PRDM13: variants seen among roughly 807,000 people sequenced by gnomAD.
PRDM13 encodes PR domain zinc finger protein 13.
PRDM13 carries 15 observed loss-of-function variants against 36.4 expected under a neutral mutation model. The observed-to-expected ratio is 0.41, with a 90% CI of 0.28 to 0.64. The LOEUF (loss-of-function observed/expected upper bound fraction) is 0.64, where lower values mean the gene tolerates loss of function less well. Among genes scored for constraint, PRDM13 ranks in the 30% least tolerant of loss-of-function variants. The pLI is 0.29. For missense variants in PRDM13, 1,044 were observed against 1,013.5 expected, an observed-to-expected ratio of 1.03 and a Z score of -0.41; for synonymous variants, 531 against 467.7, an observed-to-expected ratio of 1.14 and a Z score of -1.75.
In PRDM13 at chr6:99,613,401, G is replaced by A; in HGVS notation, c.766G>A (p.Asp256Asn). 1 of 1,557,132 alleles carries A rather than the reference G, an allele frequency of 6.4e-7. No homozygotes were observed. Among genetic ancestry groups the A allele is most frequent in the Non-Finnish European group, 8.6e-7 (1 of 1,158,858 alleles). The change falls in exon 4 of 4, where the codon GAC (aspartate) becomes AAC (asparagine). Residue 256 changes from aspartate (D) to asparagine (N), a missense_variant. Coordinates refer to ENST00000369215, the MANE Select transcript of PRDM13 (RefSeq NM_021620.4). The surrounding 1 kb of genome is among the most constrained non-coding windows in gnomAD (Gnocchi z 6.1). ...GQPKKGKEQL[D>N]RALDMSGAAR... Reference sequence around the variant, plus strand: ...GCCCAAGAAGGGCAAGGAGCAGCTGGACCGTGCCCTGGACATGAGCGGAGC... The same window carrying A: ...GCCCAAGAAGGGCAAGGAGCAGCTGAACCGTGCCCTGGACATGAGCGGAGC...
intron 3 of PRDM13, among the ~76,000 whole-genome samples, chr6:99,610,210 C>A (rs749623507): frequency 2.0e-5 from 3 of 152,126 alleles, no homozygotes; most frequent in African/African-American, 7.2e-5. Context: ...AAGCCAAGAG[C>A]GGATTTATGC....
chr6:99,614,024 A>G lies in PRDM13; in HGVS notation c.1389A>G (p.Thr463=), dbSNP rs1770086268. Reference sequence around the variant, plus strand: ...TGCCCGCCGTCATGCCGGCCTTTACAGTCTACAACGGGGAGCTGCTCTACG... The same window carrying G: ...TGCCCGCCGTCATGCCGGCCTTTACGGTCTACAACGGGGAGCTGCTCTACG... The part of the protein sequence containing the change: ...SHLPAVMPAF[T]VYNGELLYGS... Residue 463 remains threonine (T), a synonymous_variant, in exon 4 of 4, where the codon ACA becomes ACG. Coordinates refer to ENST00000369215, the MANE Select transcript of PRDM13 (RefSeq NM_021620.4). The G allele has an allele frequency of 6.2e-7, 1 of 1,610,374 alleles. No individual in the cohort carries two copies. The highest frequency in any genetic ancestry group is 8.5e-7 in the Non-Finnish European group (1 of 1,179,084).
intron 2 of PRDM13, 116 bp from the exon 3 acceptor site, chr6:99,609,071 G>A: frequency 7.0e-7 from 1 of 1,428,614 alleles, no homozygotes; most frequent in South Asian, 1.4e-5. Flanking sequence ...GAGAGCTCCA[G>A]TAGCTTCTCC....
chr6:99,609,381 T>C, intron 3 of PRDM13, 74 bp downstream of exon 3: 4 of 1,534,376 alleles, frequency 2.6e-6, no homozygotes, highest in Non-Finnish European at 3.6e-6. Context: ...TCCCTAGACA[T>C]AGCTCGATCT....
intron 3 of PRDM13, among the ~76,000 whole-genome samples, chr6:99,612,562 C>T (rs1770046764): frequency 6.6e-6 from 1 of 152,154 alleles, no homozygotes. Flanking sequence ...GATATTGTCT[C>T]GCCTGGTAAT....
At position 99,614,717 on chromosome 6, in the gene PRDM13, G is replaced by A; in HGVS notation, c.2082G>A (p.Gln694=). The stretch of plus-strand genomic sequence containing the variant: ...TGGACGTCTGCTTCACAGACGACCA[G>A]AGCGACCCCGAGGTTGGGGGCGGCG... The part of the protein sequence containing the change: ...SDVDVCFTDD[Q]SDPEVGGGGE... The change falls in exon 4 of 4, where the codon CAG becomes CAA. Residue 694 remains glutamine (Q), a synonymous_variant. Coordinates refer to ENST00000369215, the MANE Select transcript of PRDM13 (RefSeq NM_021620.4). 1 of 1,594,312 alleles carries A rather than the reference G, an allele frequency of 6.3e-7. No individual in the cohort carries two copies. Among genetic ancestry groups the A allele is most frequent in the Non-Finnish European group, 8.5e-7 (1 of 1,170,166 alleles).
At position 99,613,437 on chromosome 6, in the gene PRDM13, C is replaced by A; in HGVS notation, c.802C>A (p.Gln268Lys). Reference protein sequence around the residue: ...ALDMSGAARGQGHFLGIVGGS... With the variant: ...ALDMSGAARGKGHFLGIVGGS... ...GGACATGAGCGGAGCCGCCCGAGGA[C>A]AAGGGCACTTCCTCGGCATCGTGGG... The change falls in exon 4 of 4, where the codon CAA becomes AAA. Residue 268 changes from glutamine (Q) to lysine (K), a missense_variant. Coordinates refer to ENST00000369215, the MANE Select transcript of PRDM13 (RefSeq NM_021620.4). The surrounding 1 kb of genome is among the most constrained non-coding windows in gnomAD (Gnocchi z 6.1). The A allele has an allele frequency of 6.5e-7, 1 of 1,548,290 alleles. No individual in the cohort carries two copies.
rs533815520 is a variant in PRDM13, at chr6:99,614,037, G to T, written c.1402G>T (p.Glu468Ter). 14 of 1,610,450 alleles carry T rather than the reference G, an allele frequency of 8.7e-6. No homozygotes were observed. Among genetic ancestry groups the T allele is most frequent in the Non-Finnish European group, 1.2e-5 (14 of 1,179,148 alleles). ...VMPAFTVYNGELLYGSPATTA... is the reference protein window; with the variant it reads ...VMPAFTVYNG ...GCCGGCCTTTACAGTCTACAACGGGGAGCTGCTCTACGGCTCACCGGCCAC... is the reference window on the plus strand; with the variant it reads ...GCCGGCCTTTACAGTCTACAACGGGTAGCTGCTCTACGGCTCACCGGCCAC... The change falls in exon 4 of 4, where the codon GAG becomes TAG. Residue 468 changes from glutamate to a stop codon, truncating the protein, a stop_gained. Transcript: ENST00000369215. LOFTEE classifies it high-confidence loss of function.
In PRDM13 at chr6:99,614,003, C is replaced by A; in HGVS notation, c.1368C>A (p.Pro456=). ...AYPGGECSHL[P]AVMPAFTVYN... ...CGGGTGGTGAGTGCAGCCACCTGCC[C>A]GCCGTCATGCCGGCCTTTACAGTCT... The change falls in exon 4 of 4, where the codon CCC becomes CCA. Residue 456 remains proline, a synonymous_variant. Coordinates refer to ENST00000369215, the MANE Select transcript of PRDM13 (RefSeq NM_021620.4). The A allele has an allele frequency of 6.2e-7, 1 of 1,609,856 alleles. No homozygotes were observed. Among genetic ancestry groups the A allele is most frequent in the Non-Finnish European group, 8.5e-7 (1 of 1,178,926 alleles).
intron 1 of PRDM13, among the ~76,000 whole-genome samples, chr6:99,607,708 A>G (rs1421597524): frequency 6.6e-6 from 1 of 151,596 alleles, no homozygotes; most frequent in African/African-American, 2.4e-5. Context: ...TCCCTTGCCG[A>G]TGTCGGCTTG....
rs767811231 is a variant in PRDM13 at position 99,613,405 on chromosome 6, G to T, written c.770G>T (p.Arg257Leu). 1.9e-6 allele frequency: 3 copies of T among 1,557,112 alleles called. No individual in the cohort carries two copies. Residue 257 changes from arginine to leucine, a missense_variant, in exon 4 of 4, where the codon CGT (arginine) becomes CTT (leucine). This residue lies in a region of PRDM13 where 921 missense variants were observed against 865.2 expected (regional missense o/e 1.06). Transcript: ENST00000369215. This position sits in a 1 kb window ranked among gnomAD's most constrained non-coding sequence, Gnocchi z 6.1. The part of the protein sequence containing the change: ...QPKKGKEQLD[R>L]ALDMSGAARG... The stretch of plus-strand genomic sequence containing the variant: ...AAGAAGGGCAAGGAGCAGCTGGACC[G>T]TGCCCTGGACATGAGCGGAGCCGCC...
chr6:99,613,816 T>A lies in PRDM13; in HGVS notation c.1181T>A (p.Val394Asp), dbSNP rs1456197837. ...GALRGFPLLS[V>D]PPEEASAFKH... is the part of the protein sequence containing the mutation. The stretch of plus-strand genomic sequence containing the variant: ...CTGCGCGGCTTCCCTCTGCTCTCCG[T>A]CCCCCCGGAAGAGGCGTCCGCCTTC... Residue 394 changes from valine (V) to aspartate (D), a missense_variant, in exon 4 of 4, where the codon GTC (valine) becomes GAC (aspartate). Val to Asp is a radical substitution (Grantham distance 152, BLOSUM62 -3). Around this residue, in one of 3 missense-constraint regions of PRDM13, gnomAD observed 921 missense variants for 865.2 expected, o/e 1.06. Transcript: ENST00000369215. The surrounding 1 kb of genome is among the most constrained non-coding windows in gnomAD (Gnocchi z 6.1). 3 of 1,509,322 alleles carry A rather than the reference T, an allele frequency of 2.0e-6. No homozygotes were observed. The highest frequency in any genetic ancestry group is 1.4e-5 in the African/African-American group (1 of 69,088). The allele number at this position is 1,509,322 out of a possible 1,614,324, so 93.5% of individuals were successfully genotyped here.
chr6:99,610,715 G>T (rs1322446454), intron 3 of PRDM13, among the ~76,000 whole-genome samples: 1 of 152,148 alleles, frequency 6.6e-6, no homozygotes, highest in East Asian at 1.9e-4. Context: ...AGTAAAAAGA[G>T]AAGTATAATA....
In PRDM13 at chr6:99,613,703, C is replaced by T. The variant is rs1219671783; in HGVS notation, c.1068C>T (p.His356=). 2 of 1,479,818 alleles carry T rather than the reference C, an allele frequency of 1.4e-6. No homozygotes were observed. The highest frequency in any genetic ancestry group is 1.8e-6 in the Non-Finnish European group (2 of 1,124,268). The allele number at this position is 1,479,818 out of a possible 1,614,324, so 91.7% of individuals were successfully genotyped here. ...GCGGCGCGGGTCACCACCATCACCA[C>T]CACGCGCACCACCACCACCATCCCA... ...AAGGAGHHHH[H]HAHHHHHPKC... Residue 356 remains histidine (H), a synonymous_variant, in exon 4 of 4, where the codon CAC becomes CAT. Transcript: ENST00000369215. The surrounding 1 kb of genome is among the most constrained non-coding windows in gnomAD (Gnocchi z 6.1).
rs1412230540 is a variant in PRDM13, at chr6:99,613,975, A to G, written c.1340A>G (p.Tyr447Cys). ...CTCGACCCGGGCGGTCTCAAAGCCT[A>G]TCCGGGTGGTGAGTGCAGCCACCTG... ...PPLDPGGLKA[Y>C]PGGECSHLPA... Residue 447 changes from tyrosine (Y) to cysteine (C), a missense_variant, in exon 4 of 4, where the codon TAT becomes TGT. Physicochemically the swap from Tyr to Cys is radical, Grantham distance 194. Transcript: ENST00000369215. This position sits in a 1 kb window ranked among gnomAD's most constrained non-coding sequence, Gnocchi z 6.1. 25 of 1,604,284 alleles carry G rather than the reference A, an allele frequency of 1.6e-5. No homozygotes were observed. The highest frequency in any genetic ancestry group is 4.1e-5 in the African/African-American group (3 of 73,476).
intron 3 of PRDM13, among the ~76,000 whole-genome samples, chr6:99,610,114 A>G (rs1356058540): frequency 6.6e-6 from 1 of 152,202 alleles, no homozygotes; most frequent in Non-Finnish European, 1.5e-5. Context: ...CTTCCATTTA[A>G]GTGGCATTTA....
In PRDM13 at chr6:99,613,662, G is replaced by C. The variant is rs1431975587; in HGVS notation, c.1027G>C (p.Glu343Gln). 2.1e-6 allele frequency: 3 copies of C among 1,426,682 alleles called. No individual in the cohort carries two copies. The highest frequency in any genetic ancestry group is 2.7e-6 in the Non-Finnish European group (3 of 1,105,894). The allele number at this position is 1,426,682 out of a possible 1,614,324, so 88.4% of individuals were successfully genotyped here. Residue 343 changes from glutamate to glutamine, a missense_variant, in exon 4 of 4, where the codon GAG becomes CAG. Coordinates refer to ENST00000369215, the MANE Select transcript of PRDM13 (RefSeq NM_021620.4). This position sits in a 1 kb window ranked among gnomAD's most constrained non-coding sequence, Gnocchi z 6.1. ...GRACGRPGSGENSAAGGAGHH... is the reference protein window; with the variant it reads ...GRACGRPGSGQNSAAGGAGHH... Reference sequence around the variant, plus strand: ...GGCGTGCGGGCGCCCCGGGAGCGGGGAGAACTCGGCGGCGGGCGGCGCGGG... The same window carrying C: ...GGCGTGCGGGCGCCCCGGGAGCGGGCAGAACTCGGCGGCGGGCGGCGCGGG...
chr6:99,607,091 G>T lies in PRDM13; in HGVS notation c.57G>T (p.Pro19=), dbSNP rs1371849898. The T allele has an allele frequency of 6.2e-7, 1 of 1,613,492 alleles. No individual in the cohort carries two copies. The highest frequency in any genetic ancestry group is 1.7e-5 in the Admixed American group (1 of 60,002). ...GCGTGAGTGCCGACTGCTGCATCCC[G>T]GCCGGCTTGCGCCTCGGACCGGTGC... is the stretch of plus-strand genomic sequence containing the variant. ...ATSVSADCCI[P]AGLRLGPVPG... The change falls in exon 1 of 4, where the codon CCG becomes CCT. Residue 19 remains proline, a synonymous_variant. Coordinates refer to ENST00000369215, the MANE Select transcript of PRDM13 (RefSeq NM_021620.4).
intron 3 of PRDM13, 27 bp downstream of exon 3, chr6:99,609,334 C>T: frequency 6.2e-7 from 1 of 1,611,862 alleles, no homozygotes; most frequent in East Asian, 2.2e-5. Context: ...CGTGGATGGG[C>T]AAAAGTCCAG....
Sources: allele counts gnomAD v4.1 joint callset (sites outside exome capture counted in the v4.1 genomes callset), GRCh38; gene constraint gnomAD v4.1.1; regional missense constraint gnomAD v4.1.1; non-coding constraint Gnocchi (gnomAD v3.1); transcripts MANE v1.5; gene names NCBI Gene and HGNC (gene_info 2026-07-23, HGNC 2026-07-21).